STXBP3: variants seen among roughly 807,000 people sequenced by gnomAD.
STXBP3 encodes the protein syntaxin-binding protein 3.
Under a neutral mutation model 85.7 loss-of-function variants are expected in STXBP3, and 41 were observed. The ratio of observed to expected loss-of-function variants is 0.48; its 90% CI spans 0.37 to 0.62. The LOEUF is 0.62. Ranked by LOEUF, STXBP3 falls within the 20% of genes least tolerant of loss-of-function variation. STXBP3 has a pLI of 0.00. For missense variants in STXBP3, 563 were observed against 703.1 expected (o/e 0.80, Z 2.25); for synonymous variants, 229 against 231.7 (o/e 0.99, Z 0.10).
chr1:108,764,733 T>C (rs1324337179), intron 6 of STXBP3, among the ~76,000 whole-genome samples: 1 of 151,560 alleles, frequency 6.6e-6, no homozygotes, highest in Admixed American at 6.6e-5. Context: ...TTTTTAATGG[T>C]TTTTTTTCTT....
At chr1:108,806,709 C>A (rs1246981790) in intron 17 of STXBP3, among the ~76,000 whole-genome samples, 2 of 152,166 alleles carry the variant, frequency 1.3e-5, no homozygotes, top group South Asian at 4.2e-4. Context: ...GTATTACTTG[C>A]CCCTTTCCCC....
intron 1 of STXBP3, among the ~76,000 whole-genome samples, chr1:108,747,170 A>G (rs567027512): frequency 4.5e-3 from 172 of 38,338 alleles, no homozygotes; most frequent in African/African-American, 0.014. Flanking sequence ...ATGTCTCTCC[A>G]TCCGAGACAA....
Position 108,758,500 on chromosome 1 carries a change from C to A in STXBP3, c.259-10C>A. On this transcript the variant is annotated splice_polypyrimidine_tract_variant and intron_variant, in intron 4 of 18. Coordinates refer to ENST00000370008, the MANE Select transcript of STXBP3 (RefSeq NM_007269.4). ...AATAAAATGTGTATTAACATCTAACCTTTTTTAAGTCTGTAGATTGTTTCT... is the reference window on the plus strand; with the variant it reads ...AATAAAATGTGTATTAACATCTAACATTTTTTAAGTCTGTAGATTGTTTCT... The A allele has an allele frequency of 6.9e-7, 1 of 1,451,876 alleles. No individual in the cohort carries two copies. Among genetic ancestry groups the A allele is most frequent in the South Asian group, 1.4e-5 (1 of 70,070 alleles). 89.9% of individuals were successfully genotyped at this position (1,451,876 alleles called of 1,614,324 possible).
chr1:108,764,255 T>C (rs1662209383), intron 6 of STXBP3, among the ~76,000 whole-genome samples: 1 of 152,184 alleles, frequency 6.6e-6, no homozygotes, highest in Non-Finnish European at 1.5e-5. Context: ...ATGGTACATA[T>C]ATATATAGAG....
chr1:108,761,498 A>G (rs934796738), intron 6 of STXBP3, among the ~76,000 whole-genome samples: 1 of 152,172 alleles, frequency 6.6e-6, no homozygotes, highest in Non-Finnish European at 1.5e-5. Flanking sequence ...ATTTGTGTAG[A>G]TATCTGAATA....
At chr1:108,801,757 C>T (rs896134060) in intron 17 of STXBP3, among the ~76,000 whole-genome samples, 9 of 151,486 alleles carry the variant, frequency 5.9e-5, no homozygotes, top group African/African-American at 1.9e-4. Context: ...TAAACTCAAA[C>T]GCATGGGCTC....
intron 4 of STXBP3, among the ~76,000 whole-genome samples, chr1:108,757,724 T>A (rs1033585554): frequency 3.9e-5 from 6 of 152,076 alleles, no homozygotes; most frequent in African/African-American, 1.4e-4. Flanking sequence ...TGTAATTTGT[T>A]ATCAAGAACC....
chr1:108,763,400 G>A (rs1570751406), intron 6 of STXBP3, among the ~76,000 whole-genome samples: 1 of 152,184 alleles, frequency 6.6e-6, no homozygotes, highest in Admixed American at 6.5e-5. Flanking sequence ...TTCTGTGGGT[G>A]TAAGATGATG....
chr1:108,760,018 C>A lies in STXBP3; in HGVS notation c.371C>A (p.Ala124Asp). ...GATAATCTCTTTAACAAAATTAAGG[C>A]TTCTTGCTCCAAGTCAATAAGAAGA... ...CPDNLFNKIK[A>D]SCSKSIRRCK... Residue 124 changes from alanine to aspartate, a missense_variant, in exon 6 of 19, where the codon GCT becomes GAT. By Grantham distance (126) the Ala-to-Asp change is moderately radical (BLOSUM62 -2). This residue lies in a region of STXBP3 where 494 missense variants were observed against 592.8 expected (regional missense o/e 0.83). Transcript: ENST00000370008. The A allele has an allele frequency of 6.3e-7, 1 of 1,577,122 alleles. No individual in the cohort carries two copies. Among genetic ancestry groups the A allele is most frequent in the Admixed American group, 1.9e-5 (1 of 52,110 alleles).
chr1:108,746,946 C>G (rs1019395986), intron 1 of STXBP3, among the ~76,000 whole-genome samples, 160 bp downstream of exon 1: 15 of 152,194 alleles, frequency 9.9e-5, no homozygotes, highest in African/African-American at 3.6e-4. Context: ...CCTGCCCTGC[C>G]TTATTCCTTG....
chr1:108,781,517 G>A (rs570479393), intron 9 of STXBP3: 1 of 152,252 alleles, frequency 6.6e-6, no homozygotes, highest in East Asian at 1.9e-4. Context: ...CACTTCAGCA[G>A]AACTCATTAA....
At chr1:108,779,537 C>T in intron 9 of STXBP3, 127 bp downstream of exon 9, 3 of 957,988 alleles carry the variant, frequency 3.1e-6, no homozygotes, top group Non-Finnish European at 4.4e-6. Context: ...AGACTTTATC[C>T]TTCTCTTATT....
chr1:108,784,076 G>T (rs567125739), intron 11 of STXBP3, among the ~76,000 whole-genome samples: 11 of 152,208 alleles, frequency 7.2e-5, no homozygotes, highest in Non-Finnish European at 8.8e-5. Context: ...ATGAACAGAA[G>T]ATCTCAATTT....
chr1:108,782,113 GTCTTGT>G (rs1662725969), intron 9 of STXBP3: 1 of 250,294 alleles, frequency 4.0e-6, no homozygotes, highest in Non-Finnish European at 7.6e-6. Context: ...AGTATATTGA[GTCTTGT>G]TCTTAAAGTT....
intron 15 of STXBP3, among the ~76,000 whole-genome samples, 181 bp from the exon 16 acceptor site, chr1:108,797,964 C>T (rs1663144046): frequency 6.6e-6 from 1 of 152,158 alleles, no homozygotes; most frequent in African/African-American, 2.4e-5. Context: ...GCACAAAATA[C>T]TGTTCAGTGG....
In STXBP3 at chr1:108,787,286, A is replaced by G. The variant is rs1662852265; in HGVS notation, c.963+4580A>G. Among the ~76,000 whole-genome samples the G allele has an allele frequency of 2.0e-5, 3 of 152,154 alleles. No individual in the cohort carries two copies. The South Asian group carries it at 6.2e-4, about 31-fold the overall frequency. ...CACCTAGCTGGATTTTTATATACAC[A>G]GTAATATAATCTGTGAATAAAGAAA... On this transcript the variant is annotated intron_variant, in intron 11 of 18. Coordinates refer to ENST00000370008, the MANE Select transcript of STXBP3 (RefSeq NM_007269.4).
intron 13 of STXBP3, among the ~76,000 whole-genome samples, chr1:108,795,721 A>AATGATTT (rs1385329037): frequency 6.6e-6 from 1 of 152,176 alleles, no homozygotes; most frequent in African/African-American, 2.4e-5. Flanking sequence ...GGTTTAGATT[A>AATGATTT]ATGATTTTTA....
intron 6 of STXBP3, among the ~76,000 whole-genome samples, chr1:108,762,219 A>G (rs1279756588): frequency 3.9e-5 from 6 of 152,230 alleles, no homozygotes; most frequent in Admixed American, 2.0e-4. Context: ...TTTGAATACT[A>G]TAAAGAGATT....
At chr1:108,772,639 CAGTG>C in intron 6 of STXBP3, 22 bp from the exon 7 acceptor site, 3 of 1,355,004 alleles carry the variant, frequency 2.2e-6, no homozygotes, top group Non-Finnish European at 2.9e-6. Context: ...TCCAGATTAA[CAGTG>C]AGTTTTTTTG....
Sources: gnomAD v4.1 joint callset for allele counts (sites outside exome capture counted in the v4.1 genomes callset) on GRCh38, gnomAD v4.1.1 for gene constraint, gnomAD v4.1.1 regional missense constraint, MANE v1.5 for transcripts, NCBI Gene and HGNC (gene_info 2026-07-23, HGNC 2026-07-21) for gene names.